Variants in CRADD observed in about 807,000 individuals in gnomAD.
CRADD encodes the protein CARD and death domain containing adaptor protein.
In CRADD, 9 loss-of-function variants were observed where a neutral mutation model predicts 15.5. That is an observed-to-expected ratio of 0.58 (90% confidence interval 0.35 to 1.01). The LOEUF (loss-of-function observed/expected upper bound fraction) is 1.01. Ranked by LOEUF, CRADD falls within the 50% of genes least tolerant of loss-of-function variation. CRADD has a pLI of 0.02. For missense variants in CRADD, 227 were observed against 250.3 expected, an observed-to-expected ratio of 0.91 and a Z score of 0.63; for synonymous variants, 118 against 107.6, an observed-to-expected ratio of 1.10 and a Z score of -0.60.
intron 2 of CRADD, among the ~76,000 whole-genome samples, chr12:93,695,029 G>C (rs974259690): frequency 6.6e-6 from 1 of 152,192 alleles, no homozygotes; most frequent in Non-Finnish European, 1.5e-5. Flanking sequence ...AAGAAGAACA[G>C]AACTGGAGGC....
chr12:93,888,914 C>G (rs974170801), intron 2 of CRADD, among the ~76,000 whole-genome samples: 2 of 152,150 alleles, frequency 1.3e-5, no homozygotes, highest in African/African-American at 4.8e-5. Flanking sequence ...ACCACAGAAC[C>G]CTGCAGAAGG....
chr12:93,794,211 A>T (rs553270956), intron 2 of CRADD, among the ~76,000 whole-genome samples: 1 of 152,176 alleles, frequency 6.6e-6, no homozygotes, highest in Admixed American at 6.5e-5. Flanking sequence ...CCAATGCTTC[A>T]TCCTTGGGTT....
intron 2 of CRADD, among the ~76,000 whole-genome samples, chr12:93,825,730 C>A (rs747177942): frequency 1.6e-4 from 24 of 152,138 alleles, no homozygotes; most frequent in Admixed American, 2.6e-4. Flanking sequence ...TTTTGCTTAA[C>A]CTCTTTCCGG....
chr12:93,889,407 T>C (rs1350119593), intron 2 of CRADD, among the ~76,000 whole-genome samples: 1 of 152,114 alleles, frequency 6.6e-6, no homozygotes, highest in Admixed American at 6.5e-5. Context: ...GAGGTCACCC[T>C]AAAGAAAACA....
chr12:93,750,859 G>T, intron 2 of CRADD, among the ~76,000 whole-genome samples: 1 of 152,148 alleles, frequency 6.6e-6, no homozygotes, highest in African/African-American at 2.4e-5. Context: ...CACAATAAGG[G>T]AAATTATAGT....
chr12:93,852,714 A>G (rs1402504907), downstream of CRADD, among the ~76,000 whole-genome samples: 2 of 152,204 alleles, frequency 1.3e-5, no homozygotes, highest in African/African-American at 4.8e-5. Flanking sequence ...AAGATTCTAC[A>G]ATTTCAGAGA....
chr12:93,738,054 G>A, intron 2 of CRADD: 1 of 465,366 alleles, frequency 2.1e-6, no homozygotes, highest in East Asian at 3.4e-5. Flanking sequence ...TTCATAAACA[G>A]GTCCCTTTCT....
At chr12:93,734,622 G>A (rs1956531028) in intron 2 of CRADD, among the ~76,000 whole-genome samples, 1 of 152,182 alleles carries the variant, frequency 6.6e-6, no homozygotes, top group Admixed American at 6.5e-5. Flanking sequence ...CTTAGAATGA[G>A]ATTTGAAATC....
chr12:93,879,218 G>A (rs1476258789), intron 2 of CRADD, among the ~76,000 whole-genome samples: 1 of 151,996 alleles, frequency 6.6e-6, no homozygotes, highest in African/African-American at 2.4e-5. Flanking sequence ...AGTTTTTAAA[G>A]ATTTCTTTCT....
chr12:93,748,408 C>T (rs1274119800), intron 2 of CRADD, among the ~76,000 whole-genome samples: 7 of 122,228 alleles, frequency 5.7e-5, no homozygotes, highest in Middle Eastern at 3.7e-3. Flanking sequence ...TGGGTTCAGG[C>T]GATTCCCCCC....
chr12:93,753,220 A>T (rs1956848615), intron 2 of CRADD, among the ~76,000 whole-genome samples: 2 of 151,854 alleles, frequency 1.3e-5, no homozygotes. Flanking sequence ...AGACTTATTC[A>T]CACTATCAAG....
At chr12:93,880,395 A>G (rs1958488766) in intron 2 of CRADD, among the ~76,000 whole-genome samples, 1 of 152,118 alleles carries the variant, frequency 6.6e-6, no homozygotes, top group Admixed American at 6.5e-5. Flanking sequence ...AATTATTCCT[A>G]CATTGGTTCT....
intron 2 of CRADD, among the ~76,000 whole-genome samples, chr12:93,833,882 CT>C (rs1194354215): frequency 3.9e-5 from 6 of 151,932 alleles, no homozygotes; most frequent in Non-Finnish European, 5.9e-5. Context: ...AGTTTTCTTC[CT>C]CTTCTGGGAT....
chr12:93,798,460 T>C (rs1333400899), intron 2 of CRADD, among the ~76,000 whole-genome samples: 1 of 152,136 alleles, frequency 6.6e-6, no homozygotes, highest in Non-Finnish European at 1.5e-5. Flanking sequence ...CTTCACTCAG[T>C]CCTTATAACA....
At chr12:93,774,253 C>G (rs1957118484) in intron 2 of CRADD, among the ~76,000 whole-genome samples, 1 of 152,064 alleles carries the variant, frequency 6.6e-6, no homozygotes, top group South Asian at 2.1e-4. Context: ...TATAGTAATA[C>G]TTGTTGAATA....
chr12:93,746,422 G>A (rs1956751990), intron 2 of CRADD, among the ~76,000 whole-genome samples: 1 of 152,196 alleles, frequency 6.6e-6, no homozygotes, highest in Non-Finnish European at 1.5e-5. Context: ...AGCACACAGA[G>A]TGGTCCAAGA....
intron 2 of CRADD, among the ~76,000 whole-genome samples, chr12:93,701,249 C>T (rs1156570241): frequency 6.6e-6 from 1 of 151,860 alleles, no homozygotes; most frequent in Non-Finnish European, 1.5e-5. Flanking sequence ...CCTTCTCCTC[C>T]TCTTCCTCCT....
chr12:93,863,932 TTA>T (rs768838441), intron 2 of CRADD, among the ~76,000 whole-genome samples: 8 of 152,192 alleles, frequency 5.3e-5, no homozygotes, highest in Non-Finnish European at 1.0e-4. Flanking sequence ...TCAATGTTAT[TTA>T]TATATTTTAC....
At chr12:93,753,543 T>C (rs1476937542) in intron 2 of CRADD, among the ~76,000 whole-genome samples, 1 of 152,202 alleles carries the variant, frequency 6.6e-6, no homozygotes, top group Non-Finnish European at 1.5e-5. Flanking sequence ...AGTAAGTTAG[T>C]TACTTCCTAC....
Sources: allele counts gnomAD v4.1 joint callset (sites outside exome capture counted in the v4.1 genomes callset), GRCh38; gene constraint gnomAD v4.1.1; transcripts MANE v1.5; gene names NCBI Gene and HGNC (gene_info 2026-07-23, HGNC 2026-07-21).